ALMS1: variants seen among roughly 807,000 people sequenced by gnomAD.
ALMS1 encodes the protein centrosome-associated protein ALMS1.
In ALMS1, 271 loss-of-function variants were observed where a neutral mutation model predicts 352.2. The ratio of observed to expected loss-of-function variants is 0.77; its 90% confidence interval spans 0.70 to 0.85. The LOEUF (loss-of-function observed/expected upper bound fraction) is 0.85, where lower values mean the gene tolerates loss of function less well. Among genes scored for constraint, ALMS1 ranks in the 40% least tolerant of loss-of-function variants. The pLI, the probability that ALMS1 is intolerant of heterozygous loss-of-function variation, is 0.00. For missense variants in ALMS1, 5,445 were observed against 4,870.7 expected (o/e 1.12, Z -3.51); for synonymous variants, 1,865 against 1,761.2 (o/e 1.06, Z -1.48).
Position 73,410,755 on chromosome 2 carries a change from C to T in ALMS1, c.450+2008C>T, listed in dbSNP as rs182674965. The stretch of plus-strand genomic sequence containing the variant: ...ATAAACTTTGAAGAAATGAAACGAT[C>T]ATGAGCAGATAGGAAAAAAGCTCAT... On this transcript the variant is annotated intron_variant, in intron 2 of 22. Transcript: ENST00000613296. Among the ~76,000 whole-genome samples, 205 of 152,180 alleles carry T rather than the reference C, an allele frequency of 1.3e-3. 1 individual carries two copies. The highest frequency in any genetic ancestry group is 4.6e-3 in the African/African-American group (192 of 41,516).
At position 73,468,222 on chromosome 2, in the gene ALMS1, A is replaced by G. The variant is rs189921122; in HGVS notation, c.7674+12927A>G. ...GCATAAATCTAACAAGATTTATGAG[A>G]TCTTTTATTGGAGAATAGTAAAATT... On this transcript the variant is annotated intron_variant, in intron 9 of 22. Coordinates refer to ENST00000613296, the MANE Select transcript of ALMS1 (RefSeq NM_001378454.1). Among the ~76,000 whole-genome samples the G allele has an allele frequency of 5.4e-4, 82 of 152,144 alleles. No homozygotes were observed. The South Asian group carries it at 0.01, about 19-fold the overall frequency.
chr2:73,451,557 A>G lies in ALMS1; in HGVS notation c.5030A>G (p.Gln1677Arg). 6.2e-7 allele frequency: 1 copy of G among 1,613,998 alleles called. No individual in the cohort carries two copies. Residue 1677 changes from glutamine (Q) to arginine (R), a missense_variant, in exon 8 of 23, where the codon CAG (glutamine) becomes CGG (arginine). Coordinates refer to ENST00000613296, the MANE Select transcript of ALMS1 (RefSeq NM_001378454.1). ...GGGAAGCCTGTCATTTTCTACCAGC[A>G]GACCCTATCAGACAGTCATTTACCT... ...NRGKPVIFYQ[Q>R]TLSDSHLPEE...
At chr2:73,524,448 T>G (rs1673746894) in intron 11 of ALMS1, among the ~76,000 whole-genome samples, 1 of 152,082 alleles carries the variant, frequency 6.6e-6, no homozygotes, top group African/African-American at 2.4e-5. Flanking sequence ...TTTGGTTATT[T>G]TATTTTTTAA....
At chr2:73,564,672 A>T (rs1214051734) in intron 15 of ALMS1, among the ~76,000 whole-genome samples, 1 of 152,188 alleles carries the variant, frequency 6.6e-6, no homozygotes, top group Non-Finnish European at 1.5e-5. Context: ...GGGACCATTA[A>T]GTTGGGGACA....
chr2:73,399,879 T>TA (rs1402081409), intron 1 of ALMS1, among the ~76,000 whole-genome samples: 2 of 152,078 alleles, frequency 1.3e-5, no homozygotes, highest in Admixed American at 6.6e-5. Context: ...CTGCATCTGT[T>TA]ATATGATCAT....
chr2:73,601,211 TC>T lies in ALMS1; in HGVS notation c.11891del (p.Pro3964LeufsTer28). ...TTCCTGTAGGAGTTTCCTGGTTTGT[TC>T]CTGTGGAAAATGTGGAGTCTAGATC... ...NSHEGVSWFVPVENVESRSKK... is the reference protein window; with the variant it reads ...NSHEGVSWFVXVENVESRSKK... On this transcript the variant is annotated frameshift_variant, in exon 19 of 23. Transcript: ENST00000613296. LOFTEE classifies it high-confidence loss of function. The T allele has an allele frequency of 6.2e-7, 1 of 1,614,182 alleles. No homozygotes were observed. Among genetic ancestry groups the T allele is most frequent in the Non-Finnish European group, 8.5e-7 (1 of 1,180,022 alleles).
intron 10 of ALMS1, among the ~76,000 whole-genome samples, chr2:73,518,477 T>C (rs1254852777): frequency 6.6e-6 from 1 of 152,200 alleles, no homozygotes; most frequent in East Asian, 1.9e-4. Context: ...TTTGGGTATG[T>C]ACACAGCAAT....
At chr2:73,487,366 G>A (rs540885128) in intron 9 of ALMS1, among the ~76,000 whole-genome samples, 3 of 152,298 alleles carry the variant, frequency 2.0e-5, no homozygotes, top group South Asian at 4.2e-4. Flanking sequence ...ACTGGTGCTG[G>A]CGCCACGCAA....
intron 11 of ALMS1, among the ~76,000 whole-genome samples, chr2:73,529,390 G>A (rs931827505): frequency 2.4e-4 from 36 of 152,170 alleles, no homozygotes; most frequent in African/African-American, 8.4e-4. Flanking sequence ...CCACATCTCT[G>A]TTTCTCCAGG....
intron 16 of ALMS1, among the ~76,000 whole-genome samples, chr2:73,585,051 A>G (rs1243960723): frequency 6.6e-6 from 1 of 152,126 alleles, no homozygotes; most frequent in Non-Finnish European, 1.5e-5. Flanking sequence ...GGCTGCTTCC[A>G]TGTTTTTGCA....
At chr2:73,608,011 C>G (rs535321565) in intron 21 of ALMS1, among the ~76,000 whole-genome samples, 5 of 152,204 alleles carry the variant, frequency 3.3e-5, no homozygotes, top group Middle Eastern at 3.4e-3. Context: ...CTCTCTGGAG[C>G]CTTTCCGAAC....
chr2:73,484,093 T>G (rs953413698), intron 9 of ALMS1, among the ~76,000 whole-genome samples: 1 of 151,814 alleles, frequency 6.6e-6, no homozygotes, highest in African/African-American at 2.4e-5. Context: ...AATATTGTTA[T>G]GTGTGAATTT....
At chr2:73,546,335 A>C (rs899593353) in intron 12 of ALMS1, among the ~76,000 whole-genome samples, 2 of 152,122 alleles carry the variant, frequency 1.3e-5, no homozygotes, top group Admixed American at 6.6e-5. Context: ...AATTTTCTAC[A>C]ATGATCAGGT....
chr2:73,432,519 A>T (rs1338504773), intron 7 of ALMS1, among the ~76,000 whole-genome samples: 2 of 147,554 alleles, frequency 1.4e-5, no homozygotes, highest in Admixed American at 1.3e-4. Flanking sequence ...GCAGTTCTAG[A>T]GGCTGGTTCC....
intron 2 of ALMS1, among the ~76,000 whole-genome samples, chr2:73,413,721 G>A (rs1468007778): frequency 2.0e-5 from 3 of 152,126 alleles, no homozygotes; most frequent in Non-Finnish European, 2.9e-5. Flanking sequence ...GTTGGTTTTT[G>A]TATATGGTGT....
intron 16 of ALMS1, among the ~76,000 whole-genome samples, chr2:73,590,671 T>A (rs1385592100): frequency 2.7e-5 from 4 of 150,182 alleles, no homozygotes; most frequent in African/African-American, 9.8e-5. Flanking sequence ...AAATTCTGTT[T>A]TATTACTTTT....
chr2:73,549,657 C>T (rs189777091), intron 12 of ALMS1, among the ~76,000 whole-genome samples: 1 of 152,282 alleles, frequency 6.6e-6, no homozygotes, highest in Admixed American at 6.5e-5. Flanking sequence ...AATCCATTTT[C>T]TCCTTCCTCC....
In ALMS1 at chr2:73,519,799, A is replaced by C. The variant is rs1398767200; in HGVS notation, c.9564A>C (p.Pro3188=). Reference sequence around the variant, plus strand: ...GATTACCAGAGAAGATGAAGACCCCACTTTCTGCTTTCTCTGAAAAATTGT... The same window carrying C: ...GATTACCAGAGAAGATGAAGACCCCCCTTTCTGCTTTCTCTGAAAAATTGT... ...ADRLPEKMKT[P]LSAFSEKLSS... is the part of the protein sequence containing the mutation. Residue 3188 remains proline, a synonymous_variant, in exon 11 of 23, where the codon CCA becomes CCC. Transcript: ENST00000613296. The C allele has an allele frequency of 1.2e-6, 2 of 1,614,020 alleles. No individual in the cohort carries two copies. Among genetic ancestry groups the C allele is most frequent in the South Asian group, 1.1e-5 (1 of 91,080 alleles).
At chr2:73,392,821 G>A (rs2103635196) in intron 1 of ALMS1, among the ~76,000 whole-genome samples, 1 of 152,200 alleles carries the variant, frequency 6.6e-6, no homozygotes, top group South Asian at 2.1e-4. Context: ...TTATATAAGT[G>A]TATGTGTGGA....
Sources: gnomAD v4.1 joint callset for allele counts (sites outside exome capture counted in the v4.1 genomes callset) on GRCh38, gnomAD v4.1.1 for gene constraint, MANE v1.5 for transcripts, NCBI Gene and HGNC (gene_info 2026-07-23, HGNC 2026-07-21) for gene names.